The following PTPRN2 variants were observed in gnomAD, a reference collection of about 807,000 sequenced individuals.
The protein encoded by PTPRN2 is protein tyrosine phosphatase receptor type N2.
In PTPRN2, 74 loss-of-function variants were observed where a neutral mutation model predicts 118.8. The observed-to-expected ratio is 0.62, with a 90% CI of 0.52 to 0.76. The LOEUF is 0.76. Ranked by LOEUF, PTPRN2 falls within the 30% of genes least tolerant of loss-of-function variation. The pLI is 0.00. For missense variants in PTPRN2, 1,481 were observed against 1,394.4 expected (o/e 1.06, Z -0.99); for synonymous variants, 641 against 608.0 (o/e 1.05, Z -0.80).
chr7:158,132,747 TACACACACGCACATACACATCTACCCA>T (rs1259566248), intron 9 of PTPRN2, among the ~76,000 whole-genome samples: 3 of 145,644 alleles, frequency 2.1e-5, no homozygotes, highest in Non-Finnish European at 3.0e-5. Flanking sequence ...ACATACACTA[TACACACACGCACATACACATCTACCCA>T]ACACACACTC....
intron 12 of PTPRN2, among the ~76,000 whole-genome samples, chr7:157,727,863 CCT>C (rs1799686940): frequency 6.6e-6 from 1 of 152,180 alleles, no homozygotes; most frequent in African/African-American, 2.4e-5. Flanking sequence ...CCCTTGGACC[CCT>C]GAGTCTGTGG....
chr7:158,003,241 C>A lies in PTPRN2; in HGVS notation c.1723+78057G>T, dbSNP rs575313966. On this transcript the variant is annotated intron_variant, in intron 11 of 22. Transcript: ENST00000389418. This position sits in a 1 kb window ranked among gnomAD's most constrained non-coding sequence, Gnocchi z 5.0. The stretch of plus-strand genomic sequence containing the variant: ...CATCTTGGCTAACACGGTGAAACCC[C>A]GTTTCTACTAAAAATACAAAAAATT... Among the ~76,000 whole-genome samples, 3 of 151,650 alleles carry A rather than the reference C, an allele frequency of 2.0e-5. No homozygotes were observed. The highest frequency in any genetic ancestry group is 7.3e-5 in the African/African-American group (3 of 41,266).
chr7:157,904,255 T>C (rs1050972878), intron 11 of PTPRN2, among the ~76,000 whole-genome samples: 6 of 152,314 alleles, frequency 3.9e-5, no homozygotes, highest in Middle Eastern at 3.4e-3. Flanking sequence ...ACCAGGATTC[T>C]CCTGATTTCT....
At chr7:157,973,432 C>T (rs1442911810) in intron 11 of PTPRN2, among the ~76,000 whole-genome samples, 1 of 152,184 alleles carries the variant, frequency 6.6e-6, no homozygotes, top group East Asian at 1.9e-4. Context: ...CATCCACAGA[C>T]TTCTTATGTC....
intron 6 of PTPRN2, among the ~76,000 whole-genome samples, chr7:158,152,175 A>AAAAAAG (rs1224940972): frequency 6.7e-6 from 1 of 149,650 alleles, no homozygotes; most frequent in African/African-American, 2.4e-5. Context: ...CTCTGTCTCA[A>AAAAAAG]AAAAAAAAAA....
At chr7:158,055,799 C>T (rs565897747) in intron 11 of PTPRN2, among the ~76,000 whole-genome samples, 70 of 152,292 alleles carry the variant, frequency 4.6e-4, no homozygotes, top group Non-Finnish European at 6.8e-4. Context: ...TAAATATCAG[C>T]GCAGCCTGGC....
chr7:157,689,111 C>T (rs2150827734), intron 12 of PTPRN2, among the ~76,000 whole-genome samples: 1 of 152,314 alleles, frequency 6.6e-6, no homozygotes, highest in African/African-American at 2.4e-5. Flanking sequence ...CCGCCGCCGT[C>T]TTCTCTGGAG....
chr7:158,185,896 C>A (rs1825092228), intron 5 of PTPRN2, among the ~76,000 whole-genome samples: 1 of 152,180 alleles, frequency 6.6e-6, no homozygotes, highest in African/African-American at 2.4e-5. Context: ...TGGCTTTCTG[C>A]ACCCTTAGAA....
chr7:158,157,831 A>G (rs73173638), intron 6 of PTPRN2, among the ~76,000 whole-genome samples: 15,659 of 152,244 alleles, frequency 0.1, 833 homozygotes, highest in African/African-American at 0.12. Flanking sequence ...GTGTGCTGAC[A>G]CACAGGAAGA....
intron 2 of PTPRN2, among the ~76,000 whole-genome samples, chr7:158,390,900 C>G (rs1398176734): frequency 1.3e-5 from 2 of 152,212 alleles, no homozygotes; most frequent in African/African-American, 2.4e-5. Context: ...ACCCATCCCC[C>G]ACGGGTGCCG....
chr7:157,979,057 C>A (rs1406224714), intron 11 of PTPRN2, among the ~76,000 whole-genome samples: 1 of 151,978 alleles, frequency 6.6e-6, no homozygotes, highest in Non-Finnish European at 1.5e-5. Flanking sequence ...CTCCCCCAGG[C>A]CTACTGCACC....
At chr7:158,331,014 C>T (rs1199963329) in intron 2 of PTPRN2, among the ~76,000 whole-genome samples, 786 of 72,058 alleles carry the variant, frequency 0.011, 59 homozygotes, top group African/African-American at 0.035. Context: ...GCAGACGTCA[C>T]TCACATCCAC....
chr7:158,284,936 G>C (rs527289768), intron 3 of PTPRN2, among the ~76,000 whole-genome samples: 14 of 152,268 alleles, frequency 9.2e-5, no homozygotes, highest in Non-Finnish European at 1.6e-4. Flanking sequence ...AGGGTGAGCA[G>C]TCTGCCTGTG....
At chr7:157,982,708 CG>C (rs1222915437) in intron 11 of PTPRN2, among the ~76,000 whole-genome samples, 3 of 65,334 alleles carry the variant, frequency 4.6e-5, no homozygotes, top group Non-Finnish European at 6.2e-5. Flanking sequence ...TGCAGAGTAC[CG>C]GGTTCCCCCC....
chr7:157,545,182 TGTGG>T (rs1182119052), intron 22 of PTPRN2, among the ~76,000 whole-genome samples: 7 of 135,188 alleles, frequency 5.2e-5, no homozygotes, highest in African/African-American at 1.7e-4. Flanking sequence ...GAGTGGTGTT[TGTGG>T]GTGTCTGTGG....
At chr7:158,541,085 G>C (rs760992886) in intron 1 of PTPRN2, among the ~76,000 whole-genome samples, 3 of 152,190 alleles carry the variant, frequency 2.0e-5, no homozygotes, top group Non-Finnish European at 2.9e-5. Context: ...TTTGAATCCA[G>C]GTCTATTCTG....
Position 157,733,945 on chromosome 7 carries a change from T to C in PTPRN2, c.1789-51008A>G, listed in dbSNP as rs768685146. Among the ~76,000 whole-genome samples, 86 of 38,018 alleles carry C rather than the reference T, an allele frequency of 2.3e-3. 1 individual carries two copies. Among genetic ancestry groups the C allele is most frequent in the African/African-American group, 9.1e-3 (79 of 8,652 alleles). 24.9% of individuals were successfully genotyped at this position (38,018 alleles called of 152,430 possible). ...CGCCCAGCACAGTTACCCTTTCCCG[T>C]CCCATGCGCCCAGCACAGTTACCCT... is the stretch of plus-strand genomic sequence containing the variant. On this transcript the variant is annotated intron_variant, in intron 12 of 22. Transcript: ENST00000389418.
intron 3 of PTPRN2, among the ~76,000 whole-genome samples, chr7:158,277,507 A>C (rs566230595): frequency 6.6e-5 from 10 of 152,288 alleles, no homozygotes; most frequent in East Asian, 1.9e-4. Context: ...CAGCAAGAGG[A>C]GGCGGCTACA....
At chr7:157,971,013 C>T (rs1802295988) in intron 11 of PTPRN2, among the ~76,000 whole-genome samples, 1 of 152,164 alleles carries the variant, frequency 6.6e-6, no homozygotes, top group Non-Finnish European at 1.5e-5. Flanking sequence ...CTGAAATAAT[C>T]CTAGAGAAAG....
Sources: gnomAD v4.1 joint callset for allele counts (sites outside exome capture counted in the v4.1 genomes callset) on GRCh38, gnomAD v4.1.1 for gene constraint, Gnocchi (gnomAD v3.1) non-coding constraint, MANE v1.5 for transcripts, NCBI Gene and HGNC (gene_info 2026-07-23, HGNC 2026-07-21) for gene names.